Variants in GALNTL6 observed in about 807,000 individuals in gnomAD.
GALNTL6 encodes the protein polypeptide N-acetylgalactosaminyltransferase like 6, also known as polypeptide N-acetylgalactosaminyltransferase-like 6.
Under a neutral mutation model 73.7 loss-of-function variants are expected in GALNTL6, and 46 were observed. The ratio of observed to expected loss-of-function variants is 0.62; its 90% CI spans 0.49 to 0.80. The LOEUF is 0.80. Ranked by LOEUF, GALNTL6 falls within the 30% of genes least tolerant of loss-of-function variation. The pLI, the probability that GALNTL6 is intolerant of heterozygous loss-of-function variation, is 0.00. For synonymous variants in GALNTL6, 259 were observed against 263.7 expected (o/e 0.98, Z 0.17); for missense variants, 604 against 755.0 (o/e 0.80, Z 2.34).
At chr4:172,835,294 G>A (rs1040249339) in intron 7 of GALNTL6, among the ~76,000 whole-genome samples, 1 of 152,224 alleles carries the variant, frequency 6.6e-6, no homozygotes, top group Admixed American at 6.5e-5. Context: ...TGGCACGAGA[G>A]AACTCCAGCT....
intron 5 of GALNTL6, among the ~76,000 whole-genome samples, chr4:172,691,963 T>C (rs1320272805): frequency 6.6e-6 from 1 of 152,150 alleles, no homozygotes; most frequent in Admixed American, 6.5e-5. Flanking sequence ...GATAAGGATA[T>C]GGTGAATGTA....
chr4:171,887,919 G>T (rs1736649253), intron 2 of GALNTL6, among the ~76,000 whole-genome samples: 1 of 152,160 alleles, frequency 6.6e-6, no homozygotes, highest in African/African-American at 2.4e-5. Flanking sequence ...TAAGGTCATA[G>T]TATACCTATA....
intron 2 of GALNTL6, among the ~76,000 whole-genome samples, chr4:171,831,222 A>G (rs1734960735): frequency 6.6e-6 from 1 of 152,026 alleles, no homozygotes; most frequent in South Asian, 2.1e-4. Flanking sequence ...GCAGTCACGT[A>G]GCAGAAACGT....
Position 172,730,855 on chromosome 4 carries a change from C to T in GALNTL6, c.554-78506C>T, listed in dbSNP as rs537910861. ...CAGCACTTTGGGAGGCCGAGGCGGGCGGATCACGAGGTCAGGAGATCGAGA... is the reference window on the plus strand; with the variant it reads ...CAGCACTTTGGGAGGCCGAGGCGGGTGGATCACGAGGTCAGGAGATCGAGA... On this transcript the variant is annotated intron_variant, in intron 5 of 12. Coordinates refer to ENST00000506823, the MANE Select transcript of GALNTL6 (RefSeq NM_001034845.3). Among the ~76,000 whole-genome samples the T allele has an allele frequency of 4.3e-4, 66 of 151,974 alleles. 1 individual carries two copies. The South Asian group carries it at 7.1e-3, about 16-fold the overall frequency.
intron 3 of GALNTL6, among the ~76,000 whole-genome samples, chr4:172,250,222 T>A: frequency 6.6e-6 from 1 of 152,076 alleles, no homozygotes; most frequent in East Asian, 1.9e-4. Flanking sequence ...GGCCCCTCTG[T>A]TTTGGCCAAT....
chr4:171,984,688 G>A (rs573684465), intron 2 of GALNTL6, among the ~76,000 whole-genome samples: 171 of 152,270 alleles, frequency 1.1e-3, no homozygotes, highest in Non-Finnish European at 2.1e-3. Context: ...TAAGTAGGAA[G>A]CAGGGGAAAG....
chr4:172,599,254 C>T lies in GALNTL6; in HGVS notation c.554-210107C>T, dbSNP rs538814877. Among the ~76,000 whole-genome samples, 20 of 152,058 alleles carry T rather than the reference C, an allele frequency of 1.3e-4. 1 individual carries two copies. Among genetic ancestry groups the T allele is most frequent in the Admixed American group, 5.2e-4 (8 of 15,240 alleles). Reference sequence around the variant, plus strand: ...GTTATCAGACCAAGTATGTCCTGCTCCTCTATAAAGGCTTATAGATTTTAT... The same window carrying T: ...GTTATCAGACCAAGTATGTCCTGCTTCTCTATAAAGGCTTATAGATTTTAT... On this transcript the variant is annotated intron_variant, in intron 5 of 12. Transcript: ENST00000506823.
Position 172,976,826 on chromosome 4 carries a change from A to G in GALNTL6, c.1371+24568A>G, listed in dbSNP as rs189827736. Among the ~76,000 whole-genome samples, 433 of 152,280 alleles carry G rather than the reference A, an allele frequency of 2.8e-3. 4 individuals carry two copies. The highest frequency in any genetic ancestry group is 9.4e-4 in the Non-Finnish European group (64 of 68,018). On this transcript the variant is annotated intron_variant, in intron 10 of 12. Coordinates refer to ENST00000506823, the MANE Select transcript of GALNTL6 (RefSeq NM_001034845.3). ...GAAACATTCTTTTACAGCCTTCACG[A>G]TGATAAGGTCCCCAGGACTGATTGT...
chr4:172,687,678 A>T (rs1438527411), intron 5 of GALNTL6, among the ~76,000 whole-genome samples: 1 of 151,650 alleles, frequency 6.6e-6, no homozygotes, highest in Non-Finnish European at 1.5e-5. Context: ...TCCTTTCATG[A>T]TTTCTCCAAT....
chr4:172,177,296 G>A (rs1198438749), intron 2 of GALNTL6, among the ~76,000 whole-genome samples: 1 of 152,146 alleles, frequency 6.6e-6, no homozygotes, highest in Non-Finnish European at 1.5e-5. Flanking sequence ...GAGATGTGTA[G>A]TGACATACGT....
intron 2 of GALNTL6, among the ~76,000 whole-genome samples, chr4:172,129,631 C>T (rs1249168824): frequency 6.6e-6 from 1 of 151,968 alleles, no homozygotes; most frequent in Non-Finnish European, 1.5e-5. Flanking sequence ...AAATGTTAAC[C>T]CAGGCATACA....
At chr4:171,915,526 C>T (rs1424185131) in intron 2 of GALNTL6, among the ~76,000 whole-genome samples, 6 of 152,114 alleles carry the variant, frequency 3.9e-5, no homozygotes, top group African/African-American at 1.4e-4. Flanking sequence ...TGTAAATAAT[C>T]ATCACAATGA....
chr4:172,146,329 G>A (rs556628117), intron 2 of GALNTL6, among the ~76,000 whole-genome samples: 18 of 152,100 alleles, frequency 1.2e-4, no homozygotes, highest in Admixed American at 9.2e-4. Context: ...ATTTAAATAC[G>A]TGTCAGTTTT....
At chr4:172,160,521 A>G (rs961798301) in intron 2 of GALNTL6, among the ~76,000 whole-genome samples, 2 of 152,032 alleles carry the variant, frequency 1.3e-5, no homozygotes, top group Admixed American at 1.3e-4. Flanking sequence ...ATAGTTATTG[A>G]AGGAAACTAA....
chr4:172,866,116 C>T (rs1439558510), intron 7 of GALNTL6, among the ~76,000 whole-genome samples: 1 of 152,144 alleles, frequency 6.6e-6, no homozygotes, highest in Non-Finnish European at 1.5e-5. Flanking sequence ...CTGTAACAGC[C>T]TCTTAGCCTT....
intron 4 of GALNTL6, among the ~76,000 whole-genome samples, chr4:172,323,743 G>A (rs1740839246): frequency 6.6e-6 from 1 of 152,032 alleles, no homozygotes; most frequent in African/African-American, 2.4e-5. Context: ...TCATCTATCA[G>A]TAAAGCCATG....
At position 172,336,276 on chromosome 4, in the gene GALNTL6, T is replaced by TTTTTTG. The variant is rs1206010367; in HGVS notation, c.387-12242_387-12241insGTTTTT. ...CTCTTCTTGGTATAGTTTTGTTTTG[T>TTTTTTG]TTTTTTTTTTTTTTGACTGAGTCTC... On this transcript the variant is annotated intron_variant, in intron 4 of 12. Coordinates refer to ENST00000506823, the MANE Select transcript of GALNTL6 (RefSeq NM_001034845.3). Among the ~76,000 whole-genome samples the TTTTTTG allele has an allele frequency of 1.6e-4, 21 of 132,564 alleles. 1 individual carries two copies. Among genetic ancestry groups the TTTTTTG allele is most frequent in the Admixed American group, 1.2e-3 (16 of 13,366 alleles). The allele number at this position is 132,564 out of a possible 152,430, so 87.0% of individuals were successfully genotyped here. A position where few individuals can be genotyped will look rare whatever the true frequency, so the allele number is the denominator to read the frequency against.
chr4:171,958,160 A>G (rs1739113423), intron 2 of GALNTL6, among the ~76,000 whole-genome samples: 1 of 152,176 alleles, frequency 6.6e-6, no homozygotes, highest in Non-Finnish European at 1.5e-5. Context: ...TATCCTTGAA[A>G]TTATTGGTAA....
intron 5 of GALNTL6, among the ~76,000 whole-genome samples, chr4:172,770,303 G>A (rs934021168): frequency 3.6e-5 from 3 of 83,006 alleles, no homozygotes; most frequent in Non-Finnish European, 8.7e-5. Context: ...AAATAAATAA[G>A]CTTTTATAGA....
Sources: allele counts gnomAD v4.1 joint callset (sites outside exome capture counted in the v4.1 genomes callset), GRCh38; gene constraint gnomAD v4.1.1; transcripts MANE v1.5; gene names NCBI Gene and HGNC (gene_info 2026-07-23, HGNC 2026-07-21).